ALK: variants seen among roughly 807,000 people sequenced by gnomAD.
ALK encodes the protein ALK tyrosine kinase receptor.
Under a neutral mutation model 163.1 loss-of-function variants are expected in ALK, and 74 were observed. That is an observed-to-expected ratio of 0.45 (90% CI 0.38 to 0.55). The LOEUF (loss-of-function observed/expected upper bound fraction) is 0.55. ALK is among the 20% of genes least tolerant of loss of function. The probability of loss-of-function intolerance (pLI) is 0.00; values close to 1 mark genes in which losing one functional copy is unlikely to be tolerated. For missense variants in ALK, 2,063 were observed against 2,105.3 expected (o/e 0.98, Z 0.39); for synonymous variants, 960 against 843.2 (o/e 1.14, Z -2.40).
At chr2:29,244,267 G>A (rs760694361) in intron 12 of ALK, among the ~76,000 whole-genome samples, 5 of 152,194 alleles carry the variant, frequency 3.3e-5, no homozygotes, top group Admixed American at 2.6e-4. Context: ...CTTTTCTCCC[G>A]TTTCTCAGTT....
At chr2:29,610,573 G>A (rs2148221130) in intron 3 of ALK, among the ~76,000 whole-genome samples, 1 of 152,206 alleles carries the variant, frequency 6.6e-6, no homozygotes, top group African/African-American at 2.4e-5. Context: ...CCAAGCAGCG[G>A]CAGATAGGAG....
At chr2:29,872,859 A>G (rs1466212601) in intron 1 of ALK, among the ~76,000 whole-genome samples, 1 of 152,232 alleles carries the variant, frequency 6.6e-6, no homozygotes, top group African/African-American at 2.4e-5. Context: ...TTCACTTTCA[A>G]GTTGGGCAAA....
intron 1 of ALK, among the ~76,000 whole-genome samples, chr2:29,792,155 G>A (rs1172401510): frequency 1.3e-5 from 2 of 152,206 alleles, no homozygotes; most frequent in Non-Finnish European, 2.9e-5. Flanking sequence ...GAAAACAAAT[G>A]GAGGGATGGG....
rs1397426670 is a variant in ALK, at chr2:29,275,320, C to G, written c.1912+82G>C. 2.5e-6 allele frequency: 4 copies of G among 1,608,234 alleles called. No individual in the cohort carries two copies. The African/African-American group carries it at 5.5e-5, about 22-fold the overall frequency. ...CACTGAGGGAGGTGGGAGAGACAGT[C>G]AGGCTTAGGCTGAGGAGGGGACAAT... On this transcript the variant is annotated intron_variant, in intron 10 of 28. Coordinates refer to ENST00000389048, the MANE Select transcript of ALK (RefSeq NM_004304.5).
At chr2:29,439,026 G>A (rs1021050500) in intron 4 of ALK, among the ~76,000 whole-genome samples, 1 of 152,170 alleles carries the variant, frequency 6.6e-6, no homozygotes, top group African/African-American at 2.4e-5. Flanking sequence ...AGATATTGTT[G>A]CTGAGAGAAC....
At chr2:29,195,440 AGAG>A (rs1668998587) in intron 28 of ALK, among the ~76,000 whole-genome samples, 1 of 152,188 alleles carries the variant, frequency 6.6e-6, no homozygotes, top group African/African-American at 2.4e-5. Flanking sequence ...GTCACAATGA[AGAG>A]GAGGGGATTT....
Position 29,192,980 on chromosome 2 carries a change from C to T in ALK, c.*244G>A. On this transcript the variant is annotated 3_prime_UTR_variant, in exon 29 of 29. Transcript: ENST00000389048. The stretch of plus-strand genomic sequence containing the variant: ...CATGCATAAAAACCTTATGCAACCA[C>T]ATCTGGGCCTTGTATTTATCACTCA... 1.9e-6 allele frequency: 1 copy of T among 537,870 alleles called. No homozygotes were observed. Among genetic ancestry groups the T allele is most frequent in the Non-Finnish European group, 3.3e-6 (1 of 299,324 alleles). 33.3% of individuals were successfully genotyped at this position (537,870 alleles called of 1,614,324 possible).
intron 8 of ALK, among the ~76,000 whole-genome samples, chr2:29,314,068 C>A (rs183834016): frequency 6.6e-6 from 1 of 152,138 alleles, no homozygotes; most frequent in Non-Finnish European, 1.5e-5. Context: ...CCTGCTTCTG[C>A]GTCACACTGA....
chr2:29,339,660 T>C (rs1490056345), intron 5 of ALK, among the ~76,000 whole-genome samples: 2 of 152,088 alleles, frequency 1.3e-5, no homozygotes, highest in Non-Finnish European at 2.9e-5. Flanking sequence ...ACCAAGCAAG[T>C]CACGGAGGCA....
At chr2:29,528,201 A>T (rs1320523761) in intron 4 of ALK, among the ~76,000 whole-genome samples, 1 of 152,216 alleles carries the variant, frequency 6.6e-6, no homozygotes, top group African/African-American at 2.4e-5. Flanking sequence ...AAGTCCCCAG[A>T]TACCCGCTGC....
rs771777787 is a variant in ALK, at chr2:29,328,471, T to A, written c.1293A>T (p.Pro431=). 6.2e-7 allele frequency: 1 copy of A among 1,614,144 alleles called. No individual in the cohort carries two copies. The highest frequency in any genetic ancestry group is 8.5e-7 in the Non-Finnish European group (1 of 1,180,004). ...ALKNCSEGTS[P]GSKMALQSSF... is the part of the protein sequence containing the mutation. ...AGCTCTGCAGGGCCATCTTGGAGCC[T>A]GGGGATGTTCCTGGAGAGCACACAG... Residue 431 remains proline, a synonymous_variant, in exon 6 of 29, where the codon CCA becomes CCT. Coordinates refer to ENST00000389048, the MANE Select transcript of ALK (RefSeq NM_004304.5).
chr2:29,353,203 G>A (rs1668161692), intron 5 of ALK, among the ~76,000 whole-genome samples: 1 of 152,128 alleles, frequency 6.6e-6, no homozygotes, highest in Admixed American at 6.5e-5. Flanking sequence ...TGGATCATCT[G>A]GCACCACCCA....
At chr2:29,917,739 G>A (rs1240127520) in intron 1 of ALK, among the ~76,000 whole-genome samples, 1 of 152,222 alleles carries the variant, frequency 6.6e-6, no homozygotes, top group Non-Finnish European at 1.5e-5. Context: ...CTTTTCAATA[G>A]GCTGGCTGTC....
chr2:29,222,667 T>TG, intron 20 of ALK, 60 bp from the exon 21 acceptor site: 1 of 1,493,352 alleles, frequency 6.7e-7, no homozygotes, highest in Non-Finnish European at 9.2e-7. Flanking sequence ...ATGAGGCAGC[T>TG]GGGGGTCCTG....
At chr2:29,224,236 A>G (rs755966976) in intron 19 of ALK, among the ~76,000 whole-genome samples, 4 of 152,114 alleles carry the variant, frequency 2.6e-5, no homozygotes, top group Non-Finnish European at 4.4e-5. Context: ...TCATGAAAAG[A>G]TCTCTGAATT....
chr2:29,717,507 C>T (rs1428861643), intron 2 of ALK, 71 bp downstream of exon 2: 9 of 1,588,428 alleles, frequency 5.7e-6, no homozygotes, highest in East Asian at 4.5e-5. Flanking sequence ...GAATCCCAAA[C>T]TGAAACTCAC....
At chr2:29,843,662 A>G (rs1467749169) in intron 1 of ALK, among the ~76,000 whole-genome samples, 1 of 152,196 alleles carries the variant, frequency 6.6e-6, no homozygotes, top group Non-Finnish European at 1.5e-5. Context: ...CAAAGTGGTC[A>G]TTGATTTACT....
At chr2:29,811,211 C>T (rs908389834) in intron 1 of ALK, among the ~76,000 whole-genome samples, 7 of 131,788 alleles carry the variant, frequency 5.3e-5, no homozygotes, top group South Asian at 6.0e-4. Flanking sequence ...GGACGTGAAG[C>T]GGGAGAGAAG....
Position 29,770,006 on chromosome 2 carries a change from A to T in ALK, c.668-52309T>A, listed in dbSNP as rs1377973128. Among the ~76,000 whole-genome samples the T allele has an allele frequency of 2.6e-5, 4 of 152,182 alleles. No individual in the cohort carries two copies. The East Asian group carries it at 7.7e-4, about 29-fold the overall frequency. The stretch of plus-strand genomic sequence containing the variant: ...TGTTGGTGGGAGGGACGAGAAACTA[A>T]GCAAAGAAGCCTTGATGAAAGTTCA... On this transcript the variant is annotated intron_variant, in intron 1 of 28. Coordinates refer to ENST00000389048, the MANE Select transcript of ALK (RefSeq NM_004304.5).
Sources: gnomAD v4.1 joint callset for allele counts (sites outside exome capture counted in the v4.1 genomes callset) on GRCh38, gnomAD v4.1.1 for gene constraint, MANE v1.5 for transcripts, NCBI Gene and HGNC (gene_info 2026-07-23, HGNC 2026-07-21) for gene names.